CA10: variants seen among roughly 807,000 people sequenced by gnomAD.
The protein encoded by CA10 is carbonic anhydrase-related protein 10.
Under a neutral mutation model 44.2 loss-of-function variants are expected in CA10, and 14 were observed. That is an observed-to-expected ratio of 0.32 (90% CI 0.21 to 0.50). CA10 has a LOEUF of 0.50. CA10 is among the 20% of genes least tolerant of loss of function. The probability of loss-of-function intolerance (pLI) is 0.99; values close to 1 mark genes in which losing one functional copy is unlikely to be tolerated. For missense variants in CA10, 350 were observed against 409.7 expected (o/e 0.85, Z 1.26); for synonymous variants, 159 against 141.6 (o/e 1.12, Z -0.87).
At chr17:51,661,225 GGCAGAA>G in intron 4 of CA10, among the ~76,000 whole-genome samples, 1 of 44,894 alleles carries the variant, frequency 2.2e-5, no homozygotes, top group Non-Finnish European at 5.3e-5. Flanking sequence ...ACTGTATCAA[GGCAGAA>G]ATAAATAATT....
intron 3 of CA10, among the ~76,000 whole-genome samples, chr17:51,823,064 C>T (rs969388783): frequency 2.0e-5 from 3 of 152,164 alleles, no homozygotes; most frequent in Non-Finnish European, 2.9e-5. Context: ...CTAACCTGGG[C>T]AGCGCTTTAT....
chr17:51,888,923 G>A (rs556528945), intron 3 of CA10, among the ~76,000 whole-genome samples: 60 of 152,226 alleles, frequency 3.9e-4, no homozygotes, highest in African/African-American at 1.3e-3. Context: ...TATGGTTGTC[G>A]TCTGGAGATA....
At chr17:51,841,863 C>T (rs150612799) in intron 3 of CA10, among the ~76,000 whole-genome samples, 6 of 152,328 alleles carry the variant, frequency 3.9e-5, no homozygotes, top group African/African-American at 1.4e-4. Context: ...GTCTTCCTTT[C>T]CAAGTTTTGC....
chr17:51,928,370 G>A (rs1051938348), intron 3 of CA10, among the ~76,000 whole-genome samples: 3 of 152,040 alleles, frequency 2.0e-5, no homozygotes, highest in Non-Finnish European at 2.9e-5. Flanking sequence ...AGGATGAGAA[G>A]GAATAACTAT....
intron 2 of CA10, among the ~76,000 whole-genome samples, chr17:52,044,310 T>G (rs1016077699): frequency 1.3e-5 from 2 of 152,090 alleles, no homozygotes; most frequent in African/African-American, 2.4e-5. Flanking sequence ...AATTTATTTT[T>G]TATTTTTATT....
chr17:51,731,727 G>A (rs899507412), intron 4 of CA10, among the ~76,000 whole-genome samples: 2 of 151,400 alleles, frequency 1.3e-5, no homozygotes, highest in Non-Finnish European at 2.9e-5. Context: ...GCCGAGGCTG[G>A]AGTATGGTGG....
In CA10 at chr17:51,739,852, A is replaced by G. The variant is rs927616413; in HGVS notation, c.465+7781T>C. Among the ~76,000 whole-genome samples the G allele has an allele frequency of 4.6e-5, 7 of 152,284 alleles. No individual in the cohort carries two copies. The East Asian group carries it at 1.2e-3, about 25-fold the overall frequency. ...GCTCACTCTGGTGGGACTGGCTCTT[A>G]GAATCTAGAAATTTGATGTCTAGCA... On this transcript the variant is annotated intron_variant, in intron 4 of 8. Transcript: ENST00000451037.
intron 2 of CA10, among the ~76,000 whole-genome samples, chr17:51,993,532 TCCC>T (rs1466069978): frequency 6.6e-6 from 1 of 151,974 alleles, no homozygotes; most frequent in Non-Finnish European, 1.5e-5. Flanking sequence ...ACAGAAATCC[TCCC>T]CAGTGCCTCA....
chr17:52,125,763 T>C (rs552800516), intron 1 of CA10, among the ~76,000 whole-genome samples: 1 of 152,284 alleles, frequency 6.6e-6, no homozygotes, highest in Non-Finnish European at 1.5e-5. Flanking sequence ...TTATTGTAGA[T>C]TCATTTCCAT....
intron 3 of CA10, among the ~76,000 whole-genome samples, chr17:51,911,157 G>C (rs1180875310): frequency 6.6e-6 from 1 of 152,092 alleles, no homozygotes; most frequent in Non-Finnish European, 1.5e-5. Flanking sequence ...CATGCTCTAG[G>C]TAGCTGCTGC....
At chr17:51,789,829 C>T (rs962499847) in intron 3 of CA10, among the ~76,000 whole-genome samples, 4 of 152,210 alleles carry the variant, frequency 2.6e-5, no homozygotes, top group Non-Finnish European at 5.9e-5. Context: ...TTGTAAGGGG[C>T]CTGTGAAACC....
At chr17:51,794,828 T>G (rs1206547571) in intron 3 of CA10, among the ~76,000 whole-genome samples, 1 of 152,210 alleles carries the variant, frequency 6.6e-6, no homozygotes, top group Non-Finnish European at 1.5e-5. Flanking sequence ...GGCATTTCCA[T>G]GTCTGTAAGG....
At chr17:52,067,949 C>T (rs1987579545) in intron 2 of CA10, among the ~76,000 whole-genome samples, 1 of 152,194 alleles carries the variant, frequency 6.6e-6, no homozygotes, top group African/African-American at 2.4e-5. Context: ...AGGGGCTGGC[C>T]TTGTCTTAGA....
rs1308282131 is a variant in CA10, at chr17:51,630,812, C to CCAAA, written c.*768_*771dup. ...ACATTTATTGAGCTGGTAACAATAA[C>CCAAA]CAAACACAATGTATGACCTTTGGAA... On this transcript the variant is annotated 3_prime_UTR_variant, in exon 9 of 9. Transcript: ENST00000451037. 7.2e-5 allele frequency: 11 copies of CCAAA among 152,732 alleles called. No individual in the cohort carries two copies. Among genetic ancestry groups the CCAAA allele is most frequent in the Admixed American group, 7.2e-4 (11 of 15,306 alleles). 9.5% of individuals were successfully genotyped at this position (152,732 alleles called of 1,614,324 possible). A position where few individuals can be genotyped will look rare whatever the true frequency, so the allele number is the denominator to read the frequency against.
At chr17:51,686,045 G>GTAATAA (rs1914998236) in intron 4 of CA10, among the ~76,000 whole-genome samples, 1 of 150,160 alleles carries the variant, frequency 6.7e-6, no homozygotes, top group Non-Finnish European at 1.5e-5. Flanking sequence ...ATCCCCATGG[G>GTAATAA]TCAAGGGCAG....
At chr17:51,635,351 A>G (rs1013704125) in intron 7 of CA10, among the ~76,000 whole-genome samples, 2 of 152,110 alleles carry the variant, frequency 1.3e-5, no homozygotes, top group African/African-American at 4.8e-5. Flanking sequence ...CATCTCTACT[A>G]AAAGTATAAA....
At chr17:52,040,476 A>G (rs1272507197) in intron 2 of CA10, among the ~76,000 whole-genome samples, 28 of 152,048 alleles carry the variant, frequency 1.8e-4, no homozygotes, top group Admixed American at 1.8e-3. Flanking sequence ...TTCATTTCAG[A>G]CCACCATGGA....
chr17:51,653,605 G>T, intron 5 of CA10, 36 bp downstream of exon 5: 1 of 1,057,628 alleles, frequency 9.5e-7, no homozygotes, highest in Non-Finnish European at 1.5e-6. Context: ...TTGAGGTGGG[G>T]ATGGTGAGAA....
intron 2 of CA10, among the ~76,000 whole-genome samples, chr17:52,059,708 C>T (rs1300287886): frequency 1.3e-5 from 2 of 151,864 alleles, no homozygotes; most frequent in Admixed American, 1.3e-4. Context: ...AAAAAGAAAA[C>T]TCAATGGCTG....
Sources: allele counts gnomAD v4.1 joint callset (sites outside exome capture counted in the v4.1 genomes callset), GRCh38; gene constraint gnomAD v4.1.1; transcripts MANE v1.5; gene names NCBI Gene and HGNC (gene_info 2026-07-23, HGNC 2026-07-21).